RBFOX1: variants seen among roughly 807,000 people sequenced by gnomAD.
RBFOX1 encodes the protein RNA binding fox-1 homolog 1.
In RBFOX1, 8 loss-of-function variants were observed where a neutral mutation model predicts 57.7. That is an observed-to-expected ratio of 0.14 (90% confidence interval 0.08 to 0.25). The LOEUF (loss-of-function observed/expected upper bound fraction) is 0.25. Ranked by LOEUF, RBFOX1 falls within the 10% of genes least tolerant of loss-of-function variation. The probability of loss-of-function intolerance (pLI) is 1.00; values close to 1 mark genes in which losing one functional copy is unlikely to be tolerated. For synonymous variants in RBFOX1, 326 were observed against 222.4 expected, an observed-to-expected ratio of 1.47 and a Z score of -4.15; for missense variants, 611 against 548.5, an observed-to-expected ratio of 1.11 and a Z score of -1.14.
At chr16:5,633,392 A>G (rs74851710) in intron 3 of RBFOX1, among the ~76,000 whole-genome samples, 6,490 of 152,236 alleles carry the variant, frequency 0.043, 464 homozygotes, top group African/African-American at 0.14. Flanking sequence ...GTGGTTTTTC[A>G]TTACATGGAT....
intron 1 of RBFOX1, among the ~76,000 whole-genome samples, chr16:6,258,462 C>G (rs184375596): frequency 4.3e-4 from 66 of 152,194 alleles, no homozygotes; most frequent in Admixed American, 1.5e-3. Context: ...GTGCATGTAC[C>G]GATGAATTTT....
chr16:6,670,210 T>C (rs1387597298), intron 3 of RBFOX1, among the ~76,000 whole-genome samples: 2 of 151,926 alleles, frequency 1.3e-5, no homozygotes, highest in African/African-American at 4.8e-5. Flanking sequence ...ACCACAGGAG[T>C]GCACCGTTAT....
At chr16:7,492,299 C>A (rs1215120710) in intron 4 of RBFOX1, among the ~76,000 whole-genome samples, 1 of 152,010 alleles carries the variant, frequency 6.6e-6, no homozygotes, top group Admixed American at 6.5e-5. Flanking sequence ...TTTTTTGTTT[C>A]TGTCCTTGGT....
At chr16:6,853,819 C>G (rs974671196) in intron 3 of RBFOX1, among the ~76,000 whole-genome samples, 1 of 152,114 alleles carries the variant, frequency 6.6e-6, no homozygotes, top group African/African-American at 2.4e-5. Context: ...TCCTCCCCAA[C>G]GGATGACTGA....
intron 1 of RBFOX1, among the ~76,000 whole-genome samples, chr16:5,432,764 A>G (rs1351122168): frequency 6.6e-6 from 1 of 151,784 alleles, no homozygotes; most frequent in African/African-American, 2.4e-5. Context: ...CAGATTAATG[A>G]GGCCCGTATT....
At chr16:7,550,542 G>T (rs1014845602) in intron 5 of RBFOX1, among the ~76,000 whole-genome samples, 1 of 152,106 alleles carries the variant, frequency 6.6e-6, no homozygotes, top group African/African-American at 2.4e-5. Context: ...ACTCTACAGG[G>T]CATCTTATAT....
At chr16:5,749,898 A>G (rs558826307) in intron 3 of RBFOX1, among the ~76,000 whole-genome samples, 5 of 152,022 alleles carry the variant, frequency 3.3e-5, no homozygotes, top group African/African-American at 1.2e-4. Context: ...GCTTTTTTCC[A>G]TTGCTGGTGA....
intron 3 of RBFOX1, among the ~76,000 whole-genome samples, chr16:6,794,300 T>A (rs2083524545): frequency 6.6e-6 from 1 of 150,596 alleles, no homozygotes; most frequent in South Asian, 2.1e-4. Context: ...TTTTTTTTTT[T>A]TACAATGAAG....
At chr16:5,913,411 T>A (rs935678046) in intron 4 of RBFOX1, among the ~76,000 whole-genome samples, 7 of 152,196 alleles carry the variant, frequency 4.6e-5, no homozygotes, top group African/African-American at 1.7e-4. Context: ...AGTTGCCTCA[T>A]GAATGGCTTG....
At chr16:6,816,418 T>C (rs1387124894) in intron 3 of RBFOX1, among the ~76,000 whole-genome samples, 1 of 146,370 alleles carries the variant, frequency 6.8e-6, no homozygotes. Context: ...GGCCCCTTCA[T>C]GTAATTTTTT....
chr16:5,517,487 T>C (rs2043834785), intron 2 of RBFOX1, among the ~76,000 whole-genome samples: 1 of 152,226 alleles, frequency 6.6e-6, no homozygotes, highest in South Asian at 2.1e-4. Context: ...CTGAATGTAC[T>C]AATTCTAAAA....
At chr16:7,443,318 G>C (rs982941972) in intron 4 of RBFOX1, among the ~76,000 whole-genome samples, 1 of 152,030 alleles carries the variant, frequency 6.6e-6, no homozygotes, top group Non-Finnish European at 1.5e-5. Flanking sequence ...TTGATCAGCA[G>C]CCTTTACTGT....
chr16:7,260,167 A>C (rs1372791399), intron 4 of RBFOX1, among the ~76,000 whole-genome samples: 1 of 152,234 alleles, frequency 6.6e-6, no homozygotes, highest in Non-Finnish European at 1.5e-5. Flanking sequence ...ACAGAAATCA[A>C]ACCAAGACTT....
At chr16:5,605,871 A>C (rs1261231551) in intron 3 of RBFOX1, among the ~76,000 whole-genome samples, 2 of 152,158 alleles carry the variant, frequency 1.3e-5, no homozygotes, top group African/African-American at 4.8e-5. Context: ...GAGAGTGCCA[A>C]CACAGATGCT....
chr16:7,372,357 C>T (rs972984110), intron 4 of RBFOX1, among the ~76,000 whole-genome samples: 1 of 152,250 alleles, frequency 6.6e-6, no homozygotes, highest in African/African-American at 2.4e-5. Context: ...AGACAACTGC[C>T]TAGTCTGTGC....
intron 1 of RBFOX1, among the ~76,000 whole-genome samples, chr16:6,209,293 C>G (rs1202055624): frequency 6.6e-6 from 1 of 152,178 alleles, no homozygotes; most frequent in Non-Finnish European, 1.5e-5. Context: ...TTTCAGCTGT[C>G]TTTAGCAGTT....
chr16:6,058,744 C>T (rs1272553432), intron 1 of RBFOX1, among the ~76,000 whole-genome samples: 5 of 151,016 alleles, frequency 3.3e-5, no homozygotes, highest in South Asian at 2.1e-4. Flanking sequence ...AATCCATCCA[C>T]CTATCCATTC....
intron 1 of RBFOX1, among the ~76,000 whole-genome samples, chr16:5,252,951 G>T (rs1194211764): frequency 6.6e-6 from 1 of 152,154 alleles, no homozygotes; most frequent in African/African-American, 2.4e-5. Flanking sequence ...TCCACCATAA[G>T]CTTGTTCACA....
intron 3 of RBFOX1, among the ~76,000 whole-genome samples, chr16:5,623,465 C>T (rs1268298452): frequency 6.6e-6 from 1 of 152,198 alleles, no homozygotes; most frequent in Non-Finnish European, 1.5e-5. Context: ...ACCAAACAAA[C>T]ATGCATGGCC....
Sources: allele counts gnomAD v4.1 joint callset (sites outside exome capture counted in the v4.1 genomes callset), GRCh38; gene constraint gnomAD v4.1.1; transcripts MANE v1.5; gene names NCBI Gene and HGNC (gene_info 2026-07-23, HGNC 2026-07-21).